Variants in ABCA13 observed in about 807,000 individuals in gnomAD.
The protein encoded by ABCA13 is ATP-binding cassette sub-family A member 13.
ABCA13 carries 476 observed loss-of-function variants against 478.7 expected under a neutral mutation model. The observed-to-expected ratio is 0.99, with a 90% CI of 0.92 to 1.07. The LOEUF (loss-of-function observed/expected upper bound fraction) is 1.07. ABCA13 is among the 50% of genes least tolerant of loss of function. The pLI, the probability that ABCA13 is intolerant of heterozygous loss-of-function variation, is 0.00. For missense variants in ABCA13, 6,060 were observed against 5,910.6 expected (o/e 1.03, Z -0.83); for synonymous variants, 2,252 against 2,158.9 (o/e 1.04, Z -1.20).
chr7:48,244,520 A>G (rs1791367373), intron 10 of ABCA13, 56 bp from the exon 11 acceptor site: 1 of 1,562,808 alleles, frequency 6.4e-7, no homozygotes, highest in Admixed American at 1.8e-5. Flanking sequence ...TTATTTCCCT[A>G]ATTGGCACTT....
At chr7:48,638,674 A>C (rs547714429) in intron 59 of ABCA13, among the ~76,000 whole-genome samples, 69 of 152,290 alleles carry the variant, frequency 4.5e-4, no homozygotes, top group Non-Finnish European at 9.1e-4. Context: ...CAGTGAAGGG[A>C]CATGGTTGTG....
intron 51 of ABCA13, among the ~76,000 whole-genome samples, chr7:48,514,098 GTAATTA>G (rs1158288209): frequency 6.6e-6 from 1 of 152,188 alleles, no homozygotes; most frequent in African/African-American, 2.4e-5. Context: ...TGTTGAGGTG[GTAATTA>G]GTCACTCAAG....
At chr7:48,431,280 T>C (rs1425876537) in intron 42 of ABCA13, among the ~76,000 whole-genome samples, 3 of 151,964 alleles carry the variant, frequency 2.0e-5, no homozygotes, top group Non-Finnish European at 4.4e-5. Context: ...AGGTGGAGGT[T>C]GCCTTGAGCC....
Position 48,516,790 on chromosome 7 carries a change from T to C in ABCA13, c.13706T>C (p.Ile4569Thr). 6.2e-7 allele frequency: 1 copy of C among 1,613,896 alleles called. No individual in the cohort carries two copies. The highest frequency in any genetic ancestry group is 8.5e-7 in the Non-Finnish European group (1 of 1,179,764). The change falls in exon 52 of 62, where the codon ATT becomes ACT. Residue 4569 changes from isoleucine to threonine, a missense_variant. Coordinates refer to ENST00000435803, the MANE Select transcript of ABCA13 (RefSeq NM_152701.5). Reference sequence around the variant, plus strand: ...TTTTCCAGTTCGGACGTGGCTTTCATTTCCTATGTCTCACTAAACTTCATC... The same window carrying C: ...TTTTCCAGTTCGGACGTGGCTTTCACTTCCTATGTCTCACTAAACTTCATC... The part of the protein sequence containing the change: ...RIFSSSDVAF[I>T]SYVSLNFIFG...
chr7:48,244,819 G>C, intron 11 of ABCA13, 116 bp downstream of exon 11: 1 of 1,266,400 alleles, frequency 7.9e-7, no homozygotes. Flanking sequence ...AACTTTGCTG[G>C]TGTCATATGC....
intron 47 of ABCA13, among the ~76,000 whole-genome samples, chr7:48,487,936 A>G (rs1343862468): frequency 6.6e-6 from 1 of 152,188 alleles, no homozygotes; most frequent in African/African-American, 2.4e-5. Context: ...CTTGGAATTT[A>G]CCCTACTTTG....
chr7:48,398,633 A>T (rs1817181811), intron 38 of ABCA13, among the ~76,000 whole-genome samples: 1 of 152,202 alleles, frequency 6.6e-6, no homozygotes, highest in African/African-American at 2.4e-5. Context: ...CCTAAAGAAG[A>T]TAAGCATAGT....
rs1367547184 is a variant in ABCA13 at position 48,367,904 on chromosome 7, A to G, written c.10799A>G (p.Glu3600Gly). 6.4e-7 allele frequency: 1 copy of G among 1,565,498 alleles called. No homozygotes were observed. Among genetic ancestry groups the G allele is most frequent in the Admixed American group, 1.9e-5 (1 of 52,804 alleles). ...KLVYEQEIQI[E>G]EYMRMMGVHP... ...GTGTATGAGCAGGAGATACAGATAG[A>G]AGAGGTAAATATCCTTAAACCTTGC... Residue 3600 changes from glutamate to glycine, a missense_variant, in exon 32 of 62, where the codon GAA becomes GGA. Physicochemically the swap from Glu to Gly is moderately conservative, Grantham distance 98. Transcript: ENST00000435803.
chr7:48,469,488 C>T (rs1827237974), intron 44 of ABCA13, among the ~76,000 whole-genome samples: 1 of 152,188 alleles, frequency 6.6e-6, no homozygotes, highest in Non-Finnish European at 1.5e-5. Context: ...CCTCTCTCTG[C>T]TTTTCTTCAT....
At chr7:48,524,926 C>G (rs1832788605) in intron 54 of ABCA13, among the ~76,000 whole-genome samples, 1 of 152,146 alleles carries the variant, frequency 6.6e-6, no homozygotes, top group Non-Finnish European at 1.5e-5. Flanking sequence ...TTAATCAGAA[C>G]TGACAGAAGC....
intron 53 of ABCA13, among the ~76,000 whole-genome samples, chr7:48,522,706 C>T (rs906979835): frequency 1.3e-5 from 2 of 152,156 alleles, no homozygotes; most frequent in Admixed American, 1.3e-4. Context: ...TCTCCACCAA[C>T]CAGAATTACT....
intron 55 of ABCA13, among the ~76,000 whole-genome samples, chr7:48,571,747 T>G (rs557878665): frequency 2.2e-4 from 34 of 152,250 alleles, no homozygotes; most frequent in Admixed American, 4.6e-4. Context: ...CATTATTATT[T>G]TCTTTCAATC....
rs921960929 is a variant in ABCA13, at chr7:48,400,341, T to C, written c.11874-3342T>C. 7.9e-5 allele frequency among the ~76,000 whole-genome samples: 12 copies of C among 152,320 alleles called. No homozygotes were observed. The East Asian group carries it at 2.3e-3, about 29-fold the overall frequency. ...AGTAAACATTCCTTGAATAAATGAA[T>C]GGATGATTAAAGAGCAGCATCTGAA... On this transcript the variant is annotated intron_variant, in intron 38 of 61. Coordinates refer to ENST00000435803, the MANE Select transcript of ABCA13 (RefSeq NM_152701.5).
chr7:48,519,726 A>G (rs1162130918), intron 52 of ABCA13, among the ~76,000 whole-genome samples: 1 of 152,138 alleles, frequency 6.6e-6, no homozygotes, highest in Non-Finnish European at 1.5e-5. Flanking sequence ...TTATTTGTTA[A>G]CTCAGTGTTC....
chr7:48,455,652 C>A (rs1277825487), intron 43 of ABCA13, among the ~76,000 whole-genome samples: 1 of 152,204 alleles, frequency 6.6e-6, no homozygotes, highest in Non-Finnish European at 1.5e-5. Flanking sequence ...GATTCTAGAA[C>A]GTATTAGATA....
At chr7:48,501,894 A>T (rs73332009) in intron 48 of ABCA13, among the ~76,000 whole-genome samples, 82 of 152,144 alleles carry the variant, frequency 5.4e-4, no homozygotes, top group African/African-American at 1.9e-3. Flanking sequence ...CATACCTGTG[A>T]CTCCAGACAT....
chr7:48,378,859 A>G (rs1455883554), intron 35 of ABCA13, among the ~76,000 whole-genome samples: 2 of 152,242 alleles, frequency 1.3e-5, no homozygotes, highest in African/African-American at 4.8e-5. Flanking sequence ...CTAATGAGTT[A>G]TGATTCCCAG....
Position 48,410,541 on chromosome 7 carries a change from C to A in ABCA13, c.12092C>A (p.Thr4031Asn). ...YREGRTIIFT[T>N]HHLDEAEALS... is the part of the protein sequence containing the mutation. ...CCAGGTCGTACGATCATCTTCACAACCCACCACCTGGATGAAGCTGAAGCG... is the reference window on the plus strand; with the variant it reads ...CCAGGTCGTACGATCATCTTCACAAACCACCACCTGGATGAAGCTGAAGCG... The change falls in exon 40 of 62, where the codon ACC (threonine) becomes AAC (asparagine). Residue 4031 changes from threonine (T) to asparagine (N), a missense_variant. By Grantham distance (65) the Thr-to-Asn change is moderately conservative (BLOSUM62 0). This residue lies in a region of ABCA13 where 1,627 missense variants were observed against 1,571.0 expected (regional missense o/e 1.04). Transcript: ENST00000435803. 1 of 1,614,064 alleles carries A rather than the reference C, an allele frequency of 6.2e-7. No individual in the cohort carries two copies. Among genetic ancestry groups the A allele is most frequent in the Non-Finnish European group, 8.5e-7 (1 of 1,179,906 alleles).
chr7:48,517,942 A>G (rs935337726), intron 52 of ABCA13, among the ~76,000 whole-genome samples: 6 of 152,192 alleles, frequency 3.9e-5, no homozygotes, highest in African/African-American at 1.4e-4. Context: ...GGATGAGTCT[A>G]CTTCCTCATG....
Sources: gnomAD v4.1 joint callset for allele counts (sites outside exome capture counted in the v4.1 genomes callset) on GRCh38, gnomAD v4.1.1 for gene constraint, gnomAD v4.1.1 regional missense constraint, MANE v1.5 for transcripts, NCBI Gene and HGNC (gene_info 2026-07-23, HGNC 2026-07-21) for gene names.